Variants in BCL2L13 observed in about 807,000 individuals in gnomAD.
BCL2L13 encodes the protein BCL2 like 13.
BCL2L13 carries 13 observed loss-of-function variants against 25.8 expected under a neutral mutation model. That is an observed-to-expected ratio of 0.50 (90% CI 0.33 to 0.80). The LOEUF is 0.80. BCL2L13 is among the 30% of genes least tolerant of loss of function. The pLI is 0.02. For synonymous variants in BCL2L13, 244 were observed against 230.3 expected (o/e 1.06, Z -0.54); for missense variants, 504 against 574.9 (o/e 0.88, Z 1.26).
At chr22:17,693,623 A>G (rs1308508311) in intron 4 of BCL2L13, among the ~76,000 whole-genome samples, 1 of 151,850 alleles carries the variant, frequency 6.6e-6, no homozygotes, top group Non-Finnish European at 1.5e-5. Context: ...CAGGTGATCC[A>G]CCCACCTCAG....
chr22:17,695,118 A>G (rs1385145988), intron 4 of BCL2L13, among the ~76,000 whole-genome samples: 5 of 152,178 alleles, frequency 3.3e-5, no homozygotes, highest in Non-Finnish European at 7.4e-5. Context: ...TCAGGGCAAG[A>G]AAGAGAAAGA....
intron 2 of BCL2L13, among the ~76,000 whole-genome samples, chr22:17,665,878 C>A (rs1301338835): frequency 3.3e-5 from 5 of 152,140 alleles, no homozygotes; most frequent in African/African-American, 9.7e-5. Flanking sequence ...AGTCACCTTT[C>A]AAGAACATCT....
chr22:17,691,553 G>A (rs576774406), intron 4 of BCL2L13, among the ~76,000 whole-genome samples: 5 of 152,308 alleles, frequency 3.3e-5, no homozygotes, highest in African/African-American at 1.2e-4. Flanking sequence ...GGCTGAGGCA[G>A]GAGAATGGTG....
chr22:17,721,882 G>A lies in BCL2L13; in HGVS notation c.601-4795G>A, dbSNP rs9618104. On this transcript the variant is annotated intron_variant, in intron 6 of 6. Coordinates refer to ENST00000317582, the MANE Select transcript of BCL2L13 (RefSeq NM_015367.4). ...TCACCGTGTTAGCCAGGATGGTCTC[G>A]ATCTCCTGACCTCGTGATCTGCCCT... 4.1e-3 allele frequency among the ~76,000 whole-genome samples: 619 copies of A among 151,074 alleles called. 3 individuals are homozygous for A. Among genetic ancestry groups the A allele is most frequent in the Middle Eastern group, 0.017 (5 of 288 alleles).
At chr22:17,726,617 G>T (rs1437521338) in intron 6 of BCL2L13, 60 bp from the exon 7 acceptor site, 15 of 1,540,414 alleles carry the variant, frequency 9.7e-6, no homozygotes, top group Admixed American at 7.7e-5. Flanking sequence ...TTTCCAGATT[G>T]ATGTTTATGT....
At chr22:17,695,825 G>T in intron 4 of BCL2L13, 5 of 224,870 alleles carry the variant, frequency 2.2e-5, no homozygotes, top group East Asian at 8.1e-5. Context: ...ATTTTATCCT[G>T]TATTAATAAT....
chr22:17,635,785 C>T (rs2058093611), upstream of BCL2L13, among the ~76,000 whole-genome samples: 1 of 151,978 alleles, frequency 6.6e-6, no homozygotes, highest in East Asian at 2.0e-4. Flanking sequence ...TCTCGGCTCA[C>T]TGCAACCTCC....
At chr22:17,666,678 C>CTTTTTTTTTTTTTTTTTTTTTTT (rs35623813) in intron 2 of BCL2L13, among the ~76,000 whole-genome samples, 1 of 121,400 alleles carries the variant, frequency 8.2e-6, no homozygotes, top group African/African-American at 3.1e-5. Context: ...GGACCTCATT[C>CTTTTTTTTTTTTTTTTTTTTTTT]TTTTTTTTTT....
chr22:17,663,729 G>C (rs1483499011), intron 2 of BCL2L13, among the ~76,000 whole-genome samples: 1 of 127,256 alleles, frequency 7.9e-6, no homozygotes, highest in Non-Finnish European at 1.6e-5. Flanking sequence ...TGTTGCCCAG[G>C]CTGGAGTGGT....
At chr22:17,721,088 T>C (rs937273788) in intron 6 of BCL2L13, among the ~76,000 whole-genome samples, 2 of 151,710 alleles carry the variant, frequency 1.3e-5, no homozygotes, top group Non-Finnish European at 1.5e-5. Context: ...GAGAATGGCA[T>C]GAACCCGGGA....
intron 2 of BCL2L13, among the ~76,000 whole-genome samples, chr22:17,657,679 CT>C (rs149988422): frequency 2.0e-5 from 3 of 150,300 alleles, no homozygotes; most frequent in Non-Finnish European, 3.0e-5. Flanking sequence ...GCCTGGCTAA[CT>C]TTTTTTTTCG....
intron 1 of BCL2L13, among the ~76,000 whole-genome samples, chr22:17,640,915 G>C (rs966952063): frequency 6.7e-6 from 1 of 149,832 alleles, no homozygotes; most frequent in African/African-American, 2.5e-5. Flanking sequence ...TTTTGAGGCG[G>C]AGTGTCGCTC....
At chr22:17,720,316 A>G (rs1443212352) in intron 6 of BCL2L13, among the ~76,000 whole-genome samples, 1 of 151,992 alleles carries the variant, frequency 6.6e-6, no homozygotes, top group Non-Finnish European at 1.5e-5. Context: ...AGCTGGGACT[A>G]CAGGTGTACA....
intron 1 of BCL2L13, among the ~76,000 whole-genome samples, chr22:17,631,693 TATATATATATATA>T (rs1342429443): frequency 9.2e-4 from 48 of 52,444 alleles, no homozygotes; most frequent in South Asian, 2.1e-3. Context: ...TATATATATA[TATATATATATATA>T]TTTTTTTTTT....
intron 1 of BCL2L13, among the ~76,000 whole-genome samples, chr22:17,646,483 A>G (rs985428871): frequency 6.6e-6 from 1 of 150,938 alleles, no homozygotes; most frequent in African/African-American, 2.5e-5. Context: ...TCCTGACCTC[A>G]GGTGATCCGC....
intron 1 of BCL2L13, among the ~76,000 whole-genome samples, chr22:17,653,356 T>C (rs976884817): frequency 6.6e-6 from 1 of 152,138 alleles, no homozygotes; most frequent in Admixed American, 6.6e-5. Context: ...CTTTTTCCTA[T>C]CCATCCTTCC....
At chr22:17,694,326 A>G (rs59071719) in intron 4 of BCL2L13, among the ~76,000 whole-genome samples, 230 of 152,124 alleles carry the variant, frequency 1.5e-3, no homozygotes, top group African/African-American at 5.3e-3. Flanking sequence ...CTTACATAGA[A>G]ATAATCAGAA....
intron 2 of BCL2L13, among the ~76,000 whole-genome samples, chr22:17,659,056 T>TA (rs752881083): frequency 0.12 from 3,430 of 28,100 alleles, 369 homozygotes; most frequent in African/African-American, 0.14. Flanking sequence ...AGACTCCATC[T>TA]AAAAAAAAAA....
chr22:17,636,001 G>A (rs923462532), upstream of BCL2L13, among the ~76,000 whole-genome samples: 5 of 150,068 alleles, frequency 3.3e-5, no homozygotes, highest in Admixed American at 6.7e-5. Context: ...GAACCACCAC[G>A]CCCGGCCTAC....
Sources: allele counts gnomAD v4.1 joint callset (sites outside exome capture counted in the v4.1 genomes callset), GRCh38; gene constraint gnomAD v4.1.1; transcripts MANE v1.5; gene names NCBI Gene and HGNC (gene_info 2026-07-23, HGNC 2026-07-21).